SCG3: variants seen among roughly 807,000 people sequenced by gnomAD.
The protein encoded by SCG3 is secretogranin III.
In SCG3, 38 loss-of-function variants were observed where a neutral mutation model predicts 56.2. That is an observed-to-expected ratio of 0.68 (90% CI 0.52 to 0.89). The LOEUF is 0.89. SCG3 is among the 40% of genes least tolerant of loss of function. The pLI is 0.00. For missense variants in SCG3, 524 were observed against 540.7 expected (o/e 0.97, Z 0.31); for synonymous variants, 176 against 184.2 (o/e 0.96, Z 0.36).
At position 51,690,272 on chromosome 15, in the gene SCG3, G is replaced by A. The variant is rs573467323; in HGVS notation, c.690+904G>A. 5.3e-5 allele frequency among the ~76,000 whole-genome samples: 8 copies of A among 152,088 alleles called. No individual in the cohort carries two copies. In the East Asian group the frequency reaches 5.8e-4, roughly 11 times the overall value. On this transcript the variant is annotated intron_variant, in intron 6 of 11. Transcript: ENST00000220478. ...TCCTTCCCTTTGTTGGACTCCTTGC[G>A]TCTTCATTTTTTCCTTAGCACCAAC...
At chr15:51,703,842 T>C (rs1056829271) in intron 10 of SCG3, among the ~76,000 whole-genome samples, 5 of 152,188 alleles carry the variant, frequency 3.3e-5, no homozygotes, top group African/African-American at 1.2e-4. Context: ...TTTTATATTT[T>C]TGTGCCCTCC....
At chr15:51,710,002 C>A (rs1018382285) in intron 10 of SCG3, among the ~76,000 whole-genome samples, 4 of 149,262 alleles carry the variant, frequency 2.7e-5, no homozygotes, top group African/African-American at 9.9e-5. Flanking sequence ...TCCCAAAGTG[C>A]TGGGATTACA....
rs1434863523 is a variant in SCG3 at position 51,716,898 on chromosome 15, C to T, written c.1289-2510C>T. Among the ~76,000 whole-genome samples, 15 of 152,346 alleles carry T rather than the reference C, an allele frequency of 9.8e-5. No homozygotes were observed. The South Asian group carries it at 1.4e-3, about 15-fold the overall frequency. ...CAGCTGGCTGACTGGCTTCAAGTTT[C>T]GGTTTCCACAGCCTCCTCTTAGGGT... On this transcript the variant is annotated intron_variant, in intron 11 of 11. Transcript: ENST00000220478.
intron 9 of SCG3, among the ~76,000 whole-genome samples, chr15:51,700,779 G>A (rs2055334315): frequency 7.8e-6 from 1 of 128,512 alleles, no homozygotes; most frequent in Non-Finnish European, 1.6e-5. Context: ...GTAAGACAAA[G>A]AATATGCCCT....
chr15:51,699,436 A>C (rs1233142209), intron 9 of SCG3, 34 bp downstream of exon 9: 4 of 1,321,000 alleles, frequency 3.0e-6, no homozygotes, highest in Non-Finnish European at 4.3e-6. Flanking sequence ...TAGCCTTTAG[A>C]ATAATAACCC....
chr15:51,715,120 A>T (rs554056048), intron 11 of SCG3: 1 of 152,374 alleles, frequency 6.6e-6, no homozygotes, highest in African/African-American at 2.4e-5. Context: ...ACTCCTGGTC[A>T]TAATCAACAA....
chr15:51,701,933 C>T (rs147664750), intron 10 of SCG3, among the ~76,000 whole-genome samples: 1 of 150,972 alleles, frequency 6.6e-6, no homozygotes. Context: ...CGGGGCCTGT[C>T]GTGGGGTCGG....
intron 10 of SCG3, among the ~76,000 whole-genome samples, chr15:51,709,679 A>C (rs2055400295): frequency 9.6e-5 from 1 of 10,466 alleles, no homozygotes; most frequent in Non-Finnish European, 2.2e-4. Context: ...ATATATATAT[A>C]TATATATATA....
At chr15:51,714,608 C>T (rs2055441531) in intron 11 of SCG3, among the ~76,000 whole-genome samples, 1 of 152,186 alleles carries the variant, frequency 6.6e-6, no homozygotes, top group African/African-American at 2.4e-5. Flanking sequence ...ATCCCACTGC[C>T]CAGGCTGCAC....
Position 51,695,884 on chromosome 15 carries a change from C to A in SCG3, c.878C>A (p.Ala293Glu). 3.8e-6 allele frequency: 6 copies of A among 1,590,438 alleles called. No homozygotes were observed. The highest frequency in any genetic ancestry group is 5.2e-6 in the Non-Finnish European group (6 of 1,162,214). The change falls in exon 8 of 12, where the codon GCA (alanine) becomes GAA (glutamate). Residue 293 changes from alanine to glutamate, a missense_variant. Ala to Glu is a moderately radical substitution (Grantham distance 107). Transcript: ENST00000220478. ...TTGTTCTTTCATATAGAAAAAGAAG[C>A]AAAAGAGAAAGAAACACTGATTACT... ...LLKSIDSEKEAKEKETLITIM... is the reference protein window; with the variant it reads ...LLKSIDSEKEEKEKETLITIM...
intron 6 of SCG3, 48 bp downstream of exon 6, chr15:51,689,416 T>TGA: frequency 6.5e-7 from 1 of 1,530,854 alleles, no homozygotes; most frequent in Non-Finnish European, 8.9e-7. Context: ...TGTGTGTGTG[T>TGA]GTGTGTGTGT....
In SCG3 at chr15:51,719,424, G is replaced by C; in HGVS notation, c.1305G>C (p.Lys435Asn). The change falls in exon 12 of 12, where the codon AAG becomes AAC. Residue 435 changes from lysine to asparagine, a missense_variant. By Grantham distance (94) the Lys-to-Asn change is moderately conservative (BLOSUM62 0). Transcript: ENST00000220478. Reference sequence around the variant, plus strand: ...ATTTTCCAGATTATGACCTTTCAAAGATGAGAGACTTCATCAATAAACAAG... The same window carrying C: ...ATTTTCCAGATTATGACCTTTCAAACATGAGAGACTTCATCAATAAACAAG... ...KGNKEDYDLS[K>N]MRDFINKQAD... The C allele has an allele frequency of 1.9e-6, 3 of 1,613,324 alleles. No individual in the cohort carries two copies. Among genetic ancestry groups the C allele is most frequent in the Non-Finnish European group, 2.5e-6 (3 of 1,179,462 alleles).
chr15:51,689,354 A>G lies in SCG3; in HGVS notation c.676A>G (p.Ile226Val), dbSNP rs763631511. ...CTGGACTGAGAATCAGGCTGGAAAA[A>G]TACCAGAGAAAGTGGTATGTATGTG... The part of the protein sequence containing the change: ...TSWTENQAGK[I>V]PEKVTPMAAI... The change falls in exon 6 of 12, where the codon ATA (isoleucine) becomes GTA (valine). Residue 226 changes from isoleucine to valine, a missense_variant. Ile to Val is a conservative substitution (Grantham distance 29, BLOSUM62 3). Transcript: ENST00000220478. 2 of 1,613,504 alleles carry G rather than the reference A, an allele frequency of 1.2e-6. No homozygotes were observed. Among genetic ancestry groups the G allele is most frequent in the Non-Finnish European group, 1.7e-6 (2 of 1,179,802 alleles).
chr15:51,692,607 T>C (rs1435489381), intron 7 of SCG3, among the ~76,000 whole-genome samples: 1 of 152,212 alleles, frequency 6.6e-6, no homozygotes, highest in Non-Finnish European at 1.5e-5. Context: ...ACTGAACGTG[T>C]GCTATGTACA....
chr15:51,683,466 G>A (rs1395336235), intron 4 of SCG3, 32 bp downstream of exon 4: 19 of 1,416,242 alleles, frequency 1.3e-5, no homozygotes, highest in Non-Finnish European at 1.6e-5. Context: ...TTTTGTTAAC[G>A]TGGAGTTTCC....
At chr15:51,686,374 T>C (rs1436278386) in intron 4 of SCG3, among the ~76,000 whole-genome samples, 2 of 152,356 alleles carry the variant, frequency 1.3e-5, no homozygotes, top group Middle Eastern at 3.4e-3. Flanking sequence ...CAAAGACTCT[T>C]CAGTGGGTTA....
intron 8 of SCG3, among the ~76,000 whole-genome samples, chr15:51,696,319 G>A (rs1055846767): frequency 4.6e-5 from 7 of 152,176 alleles, no homozygotes; most frequent in Non-Finnish European, 7.4e-5. Flanking sequence ...GGAAGCTGAG[G>A]CAGGCAGATT....
intron 10 of SCG3, among the ~76,000 whole-genome samples, chr15:51,711,612 T>C (rs1344511272): frequency 6.6e-6 from 1 of 152,224 alleles, no homozygotes; most frequent in Non-Finnish European, 1.5e-5. Context: ...CTGAATTAAT[T>C]TGAAATAGAA....
At position 51,695,917 on chromosome 15, in the gene SCG3, A is replaced by G; in HGVS notation, c.911A>G (p.Lys304Arg). 6.2e-7 allele frequency: 1 copy of G among 1,611,008 alleles called. No individual in the cohort carries two copies. The highest frequency in any genetic ancestry group is 1.3e-5 in the African/African-American group (1 of 74,976). The change falls in exon 8 of 12, where the codon AAA becomes AGA. Residue 304 changes from lysine (K) to arginine (R), a missense_variant. Physicochemically the swap from Lys to Arg is conservative, Grantham distance 26. Transcript: ENST00000220478. ...AAAGAAACACTGATTACTATCATGA[A>G]AACACTGATTGACTTTGTGAAGATG... ...KEKETLITIM[K>R]TLIDFVKMMV...
Sources: allele counts gnomAD v4.1 joint callset (sites outside exome capture counted in the v4.1 genomes callset), GRCh38; gene constraint gnomAD v4.1.1; transcripts MANE v1.5; gene names NCBI Gene and HGNC (gene_info 2026-07-23, HGNC 2026-07-21).